Variants in ADAM17 observed in about 807,000 individuals in gnomAD.
ADAM17 encodes the protein ADAM metallopeptidase domain 17.
A neutral mutation model predicts 96.7 loss-of-function variants in ADAM17; 39 were observed. The ratio of observed to expected loss-of-function variants is 0.40; its 90% CI spans 0.31 to 0.53. The LOEUF (loss-of-function observed/expected upper bound fraction) is 0.53, where lower values mean the gene tolerates loss of function less well. Among genes scored for constraint, ADAM17 ranks in the 20% least tolerant of loss-of-function variants. The pLI, the probability that ADAM17 is intolerant of heterozygous loss-of-function variation, is 0.44. For synonymous variants in ADAM17, 344 were observed against 359.2 expected (o/e 0.96, Z 0.48); for missense variants, 777 against 1,013.2 (o/e 0.77, Z 3.17).
intron 8 of ADAM17, 40 bp downstream of exon 8, chr2:9,521,163 A>G (rs1287526434): frequency 7.0e-7 from 1 of 1,433,698 alleles, no homozygotes; most frequent in Non-Finnish European, 9.8e-7. Flanking sequence ...CAGAAATGAC[A>G]AAGTGGTGTT....
At chr2:9,526,905 A>G (rs1243463575) in intron 5 of ADAM17, among the ~76,000 whole-genome samples, 1 of 152,236 alleles carries the variant, frequency 6.6e-6, no homozygotes, top group Non-Finnish European at 1.5e-5. Context: ...GAATTAACCA[A>G]TGTAACAGTA....
At chr2:9,504,377 G>A (rs184132729) in intron 12 of ADAM17, among the ~76,000 whole-genome samples, 5 of 149,934 alleles carry the variant, frequency 3.3e-5, no homozygotes, top group Non-Finnish European at 5.9e-5. Context: ...CCTGGGAGGC[G>A]GAGATTGCAG....
chr2:9,502,177 G>A lies in ADAM17; in HGVS notation c.1644C>T (p.Cys548=), dbSNP rs762867130. The A allele has an allele frequency of 3.7e-5, 60 of 1,613,450 alleles. No homozygotes were observed. The highest frequency in any genetic ancestry group is 1.6e-4 in the Middle Eastern group (1 of 6,084). ...GGAAGCAACAAGAACACGAACCTGT[G>A]CAGTAGGACACGCCTTTGCAAGTAG... ...INATCKGVSY[C]TGNSSECPPP... The change falls in exon 13 of 19, where the codon TGC becomes TGT. Residue 548 remains cysteine, a synonymous_variant. Transcript: ENST00000310823.
intron 4 of ADAM17, among the ~76,000 whole-genome samples, chr2:9,529,160 C>T (rs1454655465): frequency 6.6e-6 from 1 of 152,158 alleles, no homozygotes; most frequent in East Asian, 1.9e-4. Context: ...TGAAAGAAGC[C>T]ACACACAGGC....
chr2:9,538,901 T>C (rs1040049807), intron 2 of ADAM17, among the ~76,000 whole-genome samples: 1 of 152,192 alleles, frequency 6.6e-6, no homozygotes, highest in African/African-American at 2.4e-5. Context: ...ATTAACATTA[T>C]TACCCTAACC....
At chr2:9,523,191 T>C in intron 7 of ADAM17, 58 bp downstream of exon 7, 1 of 1,322,496 alleles carries the variant, frequency 7.6e-7, no homozygotes, top group Non-Finnish European at 1.1e-6. Context: ...TGAATACAAG[T>C]GACAAATATT....
In ADAM17 at chr2:9,555,752, T is replaced by C. The variant is rs1402317550; in HGVS notation, c.-147A>G. 3 of 631,452 alleles carry C rather than the reference T, an allele frequency of 4.8e-6. No individual in the cohort carries two copies. The highest frequency in any genetic ancestry group is 3.3e-5 in the East Asian group (1 of 30,268). The allele number at this position is 631,452 out of a possible 1,614,324, so 39.1% of individuals were successfully genotyped here. A position where few individuals can be genotyped will look rare whatever the true frequency, so the allele number is the denominator to read the frequency against. On this transcript the variant is annotated 5_prime_UTR_variant, in exon 1 of 19. Transcript: ENST00000310823. Reference sequence around the variant, plus strand: ...CCTCCCGCGCCGCCTACTGGGAAGATTCTACCGCCAGGCTCGACGCCCCCA... The same window carrying C: ...CCTCCCGCGCCGCCTACTGGGAAGACTCTACCGCCAGGCTCGACGCCCCCA...
At chr2:9,510,251 C>T (rs1663659859) in intron 10 of ADAM17, 120 bp from the exon 11 acceptor site, 1 of 1,130,046 alleles carries the variant, frequency 8.8e-7, no homozygotes. Flanking sequence ...AGAATAAGAA[C>T]TGCATGCTTA....
At position 9,510,047 on chromosome 2, in the gene ADAM17, T is replaced by C. The variant is rs992963006; in HGVS notation, c.1276A>G (p.Asn426Asp). The change falls in exon 11 of 19, where the codon AAT becomes GAT. Residue 426 changes from asparagine to aspartate, a missense_variant. By Grantham distance (23) the Asn-to-Asp change is conservative. Around this residue, in one of 3 missense-constraint regions of ADAM17, gnomAD observed 446 missense variants for 664.7 expected, o/e 0.67. Transcript: ENST00000310823. ...DPDGLAECAPNEDQGGKYVMY... is the reference protein window; with the variant it reads ...DPDGLAECAPDEDQGGKYVMY... ...ACATATTTCCCTCCCTGGTCCTCAT[T>C]CGGGGCACATTCTGCTAGACCATCC... 1.9e-6 allele frequency: 3 copies of C among 1,614,022 alleles called. No individual in the cohort carries two copies. The highest frequency in any genetic ancestry group is 2.5e-6 in the Non-Finnish European group (3 of 1,180,024).
intron 14 of ADAM17, 60 bp from the exon 15 acceptor site, chr2:9,494,827 C>T (rs1186122127): frequency 6.3e-7 from 1 of 1,589,380 alleles, no homozygotes; most frequent in East Asian, 2.2e-5. Flanking sequence ...CTCCTCCTGC[C>T]TCCTCTTTCC....
chr2:9,501,110 T>C (rs769529712), intron 13 of ADAM17, among the ~76,000 whole-genome samples: 1 of 152,092 alleles, frequency 6.6e-6, no homozygotes, highest in Non-Finnish European at 1.5e-5. Flanking sequence ...AAATTCACAG[T>C]AGTGAAATAA....
intron 10 of ADAM17, 30 bp downstream of exon 10, chr2:9,517,871 C>A: frequency 6.8e-7 from 1 of 1,469,540 alleles, no homozygotes; most frequent in Non-Finnish European, 9.2e-7. Context: ...TAAACTCTAA[C>A]ACTATTCTTT....
rs780128597 is a variant in ADAM17 at position 9,555,611 on chromosome 2, C to T, written c.-6G>A. ...AATAGGAGAGACTGCCTCATGTTCCCGGCCCCGCTACCGACTCCACCTCTC... is the reference window on the plus strand; with the variant it reads ...AATAGGAGAGACTGCCTCATGTTCCTGGCCCCGCTACCGACTCCACCTCTC... On this transcript the variant is annotated 5_prime_UTR_variant, in exon 1 of 19. Coordinates refer to ENST00000310823, the MANE Select transcript of ADAM17 (RefSeq NM_003183.6). The T allele has an allele frequency of 4.5e-6, 7 of 1,561,206 alleles. No individual in the cohort carries two copies. In the African/African-American group the frequency reaches 8.1e-5, roughly 18 times the overall value.
chr2:9,504,325 G>A (rs1663232472), intron 12 of ADAM17, among the ~76,000 whole-genome samples: 1 of 151,776 alleles, frequency 6.6e-6, no homozygotes, highest in Non-Finnish European at 1.5e-5. Context: ...CGTACCTGTA[G>A]TCCCAGTTAT....
At chr2:9,490,782 C>G (rs1044179948) in intron 18 of ADAM17, among the ~76,000 whole-genome samples, 1 of 152,134 alleles carries the variant, frequency 6.6e-6, no homozygotes, top group Non-Finnish European at 1.5e-5. Flanking sequence ...TTTGAAGACC[C>G]AAAAGAGGAT....
At chr2:9,510,577 C>T (rs1390322475) in intron 10 of ADAM17, among the ~76,000 whole-genome samples, 1 of 151,728 alleles carries the variant, frequency 6.6e-6, no homozygotes, top group African/African-American at 2.4e-5. Context: ...GGCAGGAGAA[C>T]TGCTTGAACC....
chr2:9,499,788 C>A (rs1370915395), intron 13 of ADAM17, among the ~76,000 whole-genome samples: 2 of 152,160 alleles, frequency 1.3e-5, no homozygotes, highest in African/African-American at 4.8e-5. Flanking sequence ...ACTATGCACA[C>A]GGAAAACCAA....
intron 10 of ADAM17, among the ~76,000 whole-genome samples, chr2:9,512,930 G>A (rs1259195759): frequency 2.0e-5 from 3 of 152,130 alleles, no homozygotes; most frequent in Admixed American, 6.6e-5. Flanking sequence ...GGGGACAGAA[G>A]CTCCTGTACT....
chr2:9,516,738 G>A (rs1664078372), intron 10 of ADAM17, among the ~76,000 whole-genome samples: 1 of 152,004 alleles, frequency 6.6e-6, no homozygotes, highest in Admixed American at 6.6e-5. Flanking sequence ...GGGCCACAGA[G>A]CAAGACTCTG....
Sources: allele counts gnomAD v4.1 joint callset (sites outside exome capture counted in the v4.1 genomes callset), GRCh38; gene constraint gnomAD v4.1.1; regional missense constraint gnomAD v4.1.1; transcripts MANE v1.5; gene names NCBI Gene and HGNC (gene_info 2026-07-23, HGNC 2026-07-21).